STK35: variants seen among roughly 807,000 people sequenced by gnomAD.
STK35 encodes the protein serine/threonine-protein kinase 35.
Under a neutral mutation model 37.3 loss-of-function variants are expected in STK35, and 17 were observed. The observed-to-expected ratio is 0.46, with a 90% CI of 0.31 to 0.68. STK35 has a LOEUF of 0.68. STK35 is among the 30% of genes least tolerant of loss of function. The pLI, the probability that STK35 is intolerant of heterozygous loss-of-function variation, is 0.05. For synonymous variants in STK35, 385 were observed against 319.1 expected (o/e 1.21, Z -2.20); for missense variants, 595 against 746.7 (o/e 0.80, Z 2.37).
At position 2,101,870 on chromosome 20, in the gene STK35, G is replaced by C; in HGVS notation, c.-12G>C. ...GGGCGGTGCAGGGCTCACTCGGCTG[G>C]CGTCCCGGGGGATGGGCCACCAGGA... On this transcript the variant is annotated 5_prime_UTR_variant, in exon 1 of 4. Coordinates refer to ENST00000381482, the MANE Select transcript of STK35 (RefSeq NM_080836.4). 2 of 1,410,266 alleles carry C rather than the reference G, an allele frequency of 1.4e-6. No individual in the cohort carries two copies. Among genetic ancestry groups the C allele is most frequent in the South Asian group, 2.9e-5 (2 of 67,996 alleles). The allele number at this position is 1,410,266 out of a possible 1,614,324, so 87.4% of individuals were successfully genotyped here. A position where few individuals can be genotyped will look rare whatever the true frequency, so the allele number is the denominator to read the frequency against.
At chr20:2,113,664 C>T (rs1443239982) in intron 2 of STK35, among the ~76,000 whole-genome samples, 1 of 152,156 alleles carries the variant, frequency 6.6e-6, no homozygotes, top group East Asian at 1.9e-4. Flanking sequence ...TTACGGCCTA[C>T]AGCACTGGGA....
chr20:2,116,913 C>T lies in STK35; in HGVS notation c.1140C>T (p.Ala380=), dbSNP rs766902112. 3.1e-6 allele frequency: 5 copies of T among 1,613,976 alleles called. No homozygotes were observed. The highest frequency in any genetic ancestry group is 2.7e-5 in the African/African-American group (2 of 74,886). The change falls in exon 3 of 4, where the codon GCC becomes GCT. Residue 380 remains alanine, a synonymous_variant. Transcript: ENST00000381482. ...ERSGTPILKV[A]DFGLSKVCAG... is the part of the protein sequence containing the mutation. ...CTGGCACCCCCATCCTCAAAGTGGC[C>T]GACTTTGGACTAAGCAAGGTCTGTG...
intron 3 of STK35, among the ~76,000 whole-genome samples, chr20:2,125,656 A>G (rs1273050848): frequency 2.0e-5 from 3 of 152,228 alleles, no homozygotes; most frequent in African/African-American, 7.2e-5. Flanking sequence ...ACACTGTGGC[A>G]GGGCCACCAG....
At chr20:2,140,002 T>G (rs537407792) in intron 3 of STK35, among the ~76,000 whole-genome samples, 2 of 152,136 alleles carry the variant, frequency 1.3e-5, no homozygotes, top group Non-Finnish European at 2.9e-5. Flanking sequence ...GCAGAGACTT[T>G]GGGTAGTAAA....
intron 2 of STK35, 73 bp downstream of exon 2, chr20:2,103,438 T>G (rs1433419061): frequency 6.9e-7 from 1 of 1,444,112 alleles, no homozygotes. Flanking sequence ...TGGCCCACAC[T>G]GTTCCTGGCC....
rs72620876 is a variant in STK35, at chr20:2,107,648, A to G, written c.892+4283A>G. On this transcript the variant is annotated intron_variant, in intron 2 of 3. Coordinates refer to ENST00000381482, the MANE Select transcript of STK35 (RefSeq NM_080836.4). Reference sequence around the variant, plus strand: ...GAAGGAAGAAGCTGAGGGAGGAACTATAATAGTATAGGATAGACCAGGGTC... The same window carrying G: ...GAAGGAAGAAGCTGAGGGAGGAACTGTAATAGTATAGGATAGACCAGGGTC... 1.5e-3 allele frequency among the ~76,000 whole-genome samples: 234 copies of G among 152,294 alleles called. 5 individuals carry two copies. In the East Asian group the frequency reaches 0.04, roughly 26 times the overall value.
At chr20:2,139,814 TAAG>T (rs1296381566) in intron 3 of STK35, among the ~76,000 whole-genome samples, 1 of 152,024 alleles carries the variant, frequency 6.6e-6, no homozygotes, top group African/African-American at 2.4e-5. Flanking sequence ...TACAGAGAAA[TAAG>T]AAGGTGGGGT....
chr20:2,142,797 G>A (rs1986193110), intron 3 of STK35, among the ~76,000 whole-genome samples: 1 of 152,168 alleles, frequency 6.6e-6, no homozygotes, highest in Admixed American at 6.5e-5. Context: ...CGAGGCTGGA[G>A]CACTGTTGCC....
At chr20:2,111,145 C>T (rs1385998419) in intron 2 of STK35, among the ~76,000 whole-genome samples, 1 of 152,186 alleles carries the variant, frequency 6.6e-6, no homozygotes, top group African/African-American at 2.4e-5. Flanking sequence ...CTTGCCAGCC[C>T]TCACTTCACC....
rs1600593935 is a variant in STK35 at position 2,102,065 on chromosome 20, A to G, written c.184A>G (p.Thr62Ala). 3 of 1,521,892 alleles carry G rather than the reference A, an allele frequency of 2.0e-6. No homozygotes were observed. Among genetic ancestry groups the G allele is most frequent in the Non-Finnish European group, 2.6e-6 (3 of 1,139,616 alleles). The allele number at this position is 1,521,892 out of a possible 1,614,324, so 94.3% of individuals were successfully genotyped here. A position where few individuals can be genotyped will look rare whatever the true frequency, so the allele number is the denominator to read the frequency against. Residue 62 changes from threonine to alanine, a missense_variant, in exon 1 of 4, where the codon ACC becomes GCC. Around this residue, in one of 3 missense-constraint regions of STK35, gnomAD observed 389 missense variants for 320.0 expected, o/e 1.22. Transcript: ENST00000381482. ...CGCTACACGCCGGGCTCGGGCCGCCACCTCCCGCGCTGCTCGGTCCCGGAG... is the reference window on the plus strand; with the variant it reads ...CGCTACACGCCGGGCTCGGGCCGCCGCCTCCCGCGCTGCTCGGTCCCGGAG... ...GSATRRARAA[T>A]SRAARSRRQP...
chr20:2,136,201 T>G (rs1282648454), intron 3 of STK35, among the ~76,000 whole-genome samples: 2 of 152,220 alleles, frequency 1.3e-5, no homozygotes, highest in Admixed American at 6.5e-5. Flanking sequence ...GTTGGCCGTC[T>G]TCTTCCCCTT....
intron 3 of STK35, among the ~76,000 whole-genome samples, chr20:2,126,967 G>A (rs1009174015): frequency 6.6e-6 from 1 of 152,176 alleles, no homozygotes; most frequent in Non-Finnish European, 1.5e-5. Context: ...TAGTGAGGAA[G>A]ATGAAAATGC....
chr20:2,137,829 T>G (rs895185070), intron 3 of STK35, among the ~76,000 whole-genome samples: 1 of 145,424 alleles, frequency 6.9e-6, no homozygotes, highest in Admixed American at 6.7e-5. Flanking sequence ...GATGTCTGAA[T>G]GTGAAAAGCC....
chr20:2,133,186 C>G (rs1465142200), intron 3 of STK35, among the ~76,000 whole-genome samples: 2 of 152,180 alleles, frequency 1.3e-5, no homozygotes, highest in African/African-American at 4.8e-5. Flanking sequence ...GTGTGACCTT[C>G]TTGGCATCTT....
chr20:2,127,918 A>G (rs1173823975), intron 3 of STK35, among the ~76,000 whole-genome samples: 1 of 152,226 alleles, frequency 6.6e-6, no homozygotes. Context: ...TTTTATCTGC[A>G]GCAGGAACAG....
In STK35 at chr20:2,144,970, CAG is replaced by C. The variant is rs1986235465; in HGVS notation, c.*1225_*1226del. On this transcript the variant is annotated 3_prime_UTR_variant, in exon 4 of 4. Coordinates refer to ENST00000381482, the MANE Select transcript of STK35 (RefSeq NM_080836.4). ...AGTATAGACGTATCCAATGGGAAAA[CAG>C]CGGACCTGCCCAGAGCAGGGAGGTG... 6.6e-6 allele frequency: 1 copy of C among 152,498 alleles called. No individual in the cohort carries two copies. Among genetic ancestry groups the C allele is most frequent in the Non-Finnish European group, 1.5e-5 (1 of 68,098 alleles). The allele number at this position is 152,498 out of a possible 1,614,324, so 9.4% of individuals were successfully genotyped here. A position where few individuals can be genotyped will look rare whatever the true frequency, so the allele number is the denominator to read the frequency against.
At chr20:2,143,023 T>C (rs1319023546) in intron 3 of STK35, among the ~76,000 whole-genome samples, 8 of 152,226 alleles carry the variant, frequency 5.3e-5, no homozygotes, top group Non-Finnish European at 1.2e-4. Flanking sequence ...GGCACTCTTC[T>C]TGGTTTTACG....
At chr20:2,140,960 G>A (rs1021877896) in intron 3 of STK35, among the ~76,000 whole-genome samples, 1 of 152,202 alleles carries the variant, frequency 6.6e-6, no homozygotes, top group African/African-American at 2.4e-5. Flanking sequence ...CTGCTGATGG[G>A]CATCCTTTTC....
chr20:2,103,118 G>T lies in STK35; in HGVS notation c.645G>T (p.Val215=). 6.2e-7 allele frequency: 1 copy of T among 1,603,292 alleles called. No homozygotes were observed. Among genetic ancestry groups the T allele is most frequent in the Non-Finnish European group, 8.5e-7 (1 of 1,179,116 alleles). Residue 215 remains valine, a synonymous_variant, in exon 2 of 4, where the codon GTG becomes GTT. Transcript: ENST00000381482. ...LAEIGRGSYG[V]VYEAVAGRSG... is the part of the protein sequence containing the mutation. ...AGATCGGGCGCGGCAGCTACGGCGT[G>T]GTTTATGAGGCAGTGGCCGGGCGCA...
Sources: allele counts gnomAD v4.1 joint callset (sites outside exome capture counted in the v4.1 genomes callset), GRCh38; gene constraint gnomAD v4.1.1; regional missense constraint gnomAD v4.1.1; transcripts MANE v1.5; gene names NCBI Gene and HGNC (gene_info 2026-07-23, HGNC 2026-07-21).